ANK3: variants seen among roughly 807,000 people sequenced by gnomAD.
ANK3 encodes the protein ankyrin-3.
In ANK3, 57 loss-of-function variants were observed where a neutral mutation model predicts 370.9. The ratio of observed to expected loss-of-function variants is 0.15; its 90% CI spans 0.12 to 0.19. The LOEUF is 0.19. Among genes scored for constraint, ANK3 ranks in the 10% least tolerant of loss-of-function variants. ANK3 has a pLI of 1.00. For missense variants in ANK3, 4,439 were observed against 5,302.1 expected (o/e 0.84, Z 5.06); for synonymous variants, 1,929 against 1,946.3 (o/e 0.99, Z 0.23).
At chr10:60,369,730 T>C (rs370262684) in intron 1 of ANK3, among the ~76,000 whole-genome samples, 3 of 152,330 alleles carry the variant, frequency 2.0e-5, no homozygotes, top group East Asian at 3.9e-4. Context: ...AAATGAACTG[T>C]GAACTGTTCT....
intron 2 of ANK3, among the ~76,000 whole-genome samples, chr10:60,518,786 AT>A (rs75314561): frequency 6.6e-6 from 1 of 152,094 alleles, no homozygotes; most frequent in Non-Finnish European, 1.5e-5. Flanking sequence ...TTGAATACAA[AT>A]TTTTTTGATG....
chr10:60,723,016 A>G (rs2079886537), intron 1 of ANK3, among the ~76,000 whole-genome samples: 1 of 152,218 alleles, frequency 6.6e-6, no homozygotes, highest in South Asian at 2.1e-4. Flanking sequence ...CTAACCCACT[A>G]AATTACTTCA....
intron 1 of ANK3, among the ~76,000 whole-genome samples, chr10:60,691,143 C>G (rs1046742245): frequency 3.3e-5 from 5 of 152,132 alleles, no homozygotes; most frequent in African/African-American, 4.8e-5. Flanking sequence ...CTCCTACGCT[C>G]CATGGCAAGT....
intron 2 of ANK3, 85 bp from the exon 3 acceptor site, chr10:60,279,233 A>T: frequency 2.6e-6 from 3 of 1,172,828 alleles, no homozygotes; most frequent in Non-Finnish European, 3.8e-6. Flanking sequence ...GAGATATTAT[A>T]AAGTCCCACC....
At chr10:60,086,986 A>G in intron 29 of ANK3, 102 bp from the exon 30 acceptor site, 1 of 301,114 alleles carries the variant, frequency 3.3e-6, no homozygotes, top group Non-Finnish European at 5.1e-6. Context: ...ACAAAAACAG[A>G]CAACCAAAAA....
chr10:60,615,619 C>T lies in ANK3; in HGVS notation c.58-395G>A, dbSNP rs541967041. On this transcript the variant is annotated intron_variant, in intron 1 of 43. Transcript: ENST00000373827. ...AATTTTTTTCCTCCGCATGAAAATG[C>T]TGGCATCAGAAAACATTTTCCCATA... is the stretch of plus-strand genomic sequence containing the variant. 2.6e-5 allele frequency among the ~76,000 whole-genome samples: 4 copies of T among 152,244 alleles called. No homozygotes were observed. In the South Asian group the frequency reaches 6.2e-4, roughly 24 times the overall value.
chr10:60,201,888 G>A (rs577645058), intron 12 of ANK3, among the ~76,000 whole-genome samples: 7 of 151,628 alleles, frequency 4.6e-5, no homozygotes, highest in African/African-American at 9.7e-5. Context: ...ATTCTTTTTC[G>A]TATTTTTAGT....
intron 1 of ANK3, among the ~76,000 whole-genome samples, chr10:60,377,543 T>C (rs2060955190): frequency 6.6e-6 from 1 of 152,248 alleles, no homozygotes; most frequent in Admixed American, 6.5e-5. Context: ...AAGCACTTTT[T>C]AGCTAGTTTT....
rs746447437 is a variant in ANK3 at position 60,069,405 on chromosome 10, C to T, written c.11476G>A (p.Val3826Ile). Residue 3826 changes from valine (V) to isoleucine (I), a missense_variant, in exon 37 of 44, where the codon GTC becomes ATC. Coordinates refer to ENST00000280772, the MANE Select transcript of ANK3 (RefSeq NM_020987.5). ...ACCCCTGTCTTTTTTCCTGATGAGACTTTCACTGGGTTATCTTTCTCTGTG... is the reference window on the plus strand; with the variant it reads ...ACCCCTGTCTTTTTTCCTGATGAGATTTTCACTGGGTTATCTTTCTCTGTG... ...CTTEKDNPVKVSSGKKTGVLQ... is the reference protein window; with the variant it reads ...CTTEKDNPVKISSGKKTGVLQ... 1 of 1,613,814 alleles carries T rather than the reference C, an allele frequency of 6.2e-7. No individual in the cohort carries two copies. The highest frequency in any genetic ancestry group is 8.5e-7 in the Non-Finnish European group (1 of 1,179,942).
At chr10:60,731,850 T>A (rs1252214305) in intron 1 of ANK3, among the ~76,000 whole-genome samples, 1 of 152,160 alleles carries the variant, frequency 6.6e-6, no homozygotes, top group African/African-American at 2.4e-5. Flanking sequence ...CTTTTACGAA[T>A]AAGAGAAAGT....
chr10:60,297,223 G>T (rs1395911954), intron 1 of ANK3, among the ~76,000 whole-genome samples: 1 of 152,074 alleles, frequency 6.6e-6, no homozygotes, highest in Non-Finnish European at 1.5e-5. Context: ...TTTCAAACTG[G>T]TTGCCATCAC....
chr10:60,441,607 G>A (rs2064301144), intron 2 of ANK3, among the ~76,000 whole-genome samples: 2 of 152,030 alleles, frequency 1.3e-5, no homozygotes, highest in African/African-American at 2.4e-5. Flanking sequence ...AACAACAAAG[G>A]TGTAGAAAAT....
chr10:60,082,751 G>A lies in ANK3; in HGVS notation c.4201-14C>T. On this transcript the variant is annotated splice_polypyrimidine_tract_variant and intron_variant, in intron 33 of 43. Coordinates refer to ENST00000280772, the MANE Select transcript of ANK3 (RefSeq NM_020987.5). The stretch of plus-strand genomic sequence containing the variant: ...GGTGTCTCTAATCTAGAAGAATTTT[G>A]GTAGTTGATGGTTATAGAATGAGAC... The A allele has an allele frequency of 2.5e-6, 4 of 1,608,396 alleles. No individual in the cohort carries two copies. The South Asian group carries it at 4.5e-5, about 18-fold the overall frequency.
intron 2 of ANK3, among the ~76,000 whole-genome samples, chr10:60,417,561 A>T (rs2063693943): frequency 6.6e-6 from 1 of 152,194 alleles, no homozygotes; most frequent in African/African-American, 2.4e-5. Context: ...TGAACAATGG[A>T]TGAAGAAAAA....
intron 8 of ANK3, among the ~76,000 whole-genome samples, chr10:60,221,031 C>T (rs771812490): frequency 2.0e-5 from 3 of 151,834 alleles, no homozygotes; most frequent in Non-Finnish European, 1.5e-5. Context: ...ACTCCTTAAT[C>T]CTTTGAGGTA....
intron 16 of ANK3, among the ~76,000 whole-genome samples, chr10:60,192,363 A>G (rs929484221): frequency 2.0e-5 from 3 of 150,864 alleles, no homozygotes; most frequent in African/African-American, 7.3e-5. Context: ...TGAGTGGACT[A>G]TTACTCAGCT....
chr10:60,243,300 A>G (rs1475753204), intron 7 of ANK3, among the ~76,000 whole-genome samples: 1 of 152,174 alleles, frequency 6.6e-6, no homozygotes, highest in South Asian at 2.1e-4. Flanking sequence ...TAATCTCCAA[A>G]TTCATATGTT....
chr10:60,452,452 A>G (rs2064632336), intron 2 of ANK3, among the ~76,000 whole-genome samples: 1 of 152,156 alleles, frequency 6.6e-6, no homozygotes, highest in Non-Finnish European at 1.5e-5. Context: ...GCCTGGCCAT[A>G]CCCTTTTAGT....
intron 1 of ANK3, among the ~76,000 whole-genome samples, chr10:60,374,813 T>C: frequency 6.6e-6 from 1 of 152,342 alleles, no homozygotes; most frequent in Admixed American, 6.5e-5. Flanking sequence ...TTGGTACTTT[T>C]GGTACACTCA....
Sources: allele counts gnomAD v4.1 joint callset (sites outside exome capture counted in the v4.1 genomes callset), GRCh38; gene constraint gnomAD v4.1.1; transcripts MANE v1.5; gene names NCBI Gene and HGNC (gene_info 2026-07-23, HGNC 2026-07-21).